PDE4D: variants seen among roughly 807,000 people sequenced by gnomAD.
The protein encoded by PDE4D is 3',5'-cyclic-AMP phosphodiesterase 4D.
PDE4D carries 24 observed loss-of-function variants against 87.4 expected under a neutral mutation model. The observed-to-expected ratio is 0.27, with a 90% confidence interval of 0.20 to 0.39. The LOEUF is 0.39. PDE4D is among the 10% of genes least tolerant of loss of function. The probability of loss-of-function intolerance (pLI) is 1.00; values close to 1 mark genes in which losing one functional copy is unlikely to be tolerated. For missense variants in PDE4D, 714 were observed against 1,041.0 expected (o/e 0.69, Z 4.32); for synonymous variants, 384 against 383.2 (o/e 1.00, Z -0.02).
chr5:60,319,492 G>T (rs1446982055), intron 1 of PDE4D, among the ~76,000 whole-genome samples: 1 of 152,214 alleles, frequency 6.6e-6, no homozygotes, highest in Non-Finnish European at 1.5e-5. Flanking sequence ...ACTCGTCAAA[G>T]TCATTCTCCA....
chr5:59,803,255 C>A (rs1006612553), intron 1 of PDE4D, among the ~76,000 whole-genome samples: 1 of 151,612 alleles, frequency 6.6e-6, no homozygotes, highest in African/African-American at 2.4e-5. Flanking sequence ...TAATTGGATC[C>A]CACCGCAGAC....
chr5:59,487,049 A>C (rs1035212133), intron 1 of PDE4D, among the ~76,000 whole-genome samples: 3 of 152,212 alleles, frequency 2.0e-5, no homozygotes, highest in Non-Finnish European at 4.4e-5. Flanking sequence ...AGATAATAGG[A>C]ATCATATGTC....
At chr5:60,104,894 A>G (rs1776694040) in intron 2 of PDE4D, among the ~76,000 whole-genome samples, 1 of 152,212 alleles carries the variant, frequency 6.6e-6, no homozygotes. Flanking sequence ...AAAAGTAGAT[A>G]AAACCACAAA....
chr5:59,105,896 G>A (rs1038039800), intron 5 of PDE4D, among the ~76,000 whole-genome samples: 5 of 152,194 alleles, frequency 3.3e-5, no homozygotes, highest in African/African-American at 1.2e-4. Flanking sequence ...ATAGGAGGGA[G>A]TGTGACCTAA....
At chr5:59,262,809 G>T (rs1762248562) in intron 1 of PDE4D, among the ~76,000 whole-genome samples, 1 of 151,900 alleles carries the variant, frequency 6.6e-6, no homozygotes. Flanking sequence ...ATGTCAGTCG[G>T]GTGATAACCA....
intron 1 of PDE4D, among the ~76,000 whole-genome samples, chr5:60,271,928 A>G (rs1198293725): frequency 6.6e-6 from 1 of 152,212 alleles, no homozygotes; most frequent in Non-Finnish European, 1.5e-5. Flanking sequence ...TTACAAAATA[A>G]GATTCAAAGA....
intron 1 of PDE4D, among the ~76,000 whole-genome samples, chr5:59,682,288 A>T (rs1451613402): frequency 1.3e-5 from 2 of 152,202 alleles, no homozygotes; most frequent in Non-Finnish European, 2.9e-5. Context: ...GTAACTTTAC[A>T]GTGGAGAAAT....
chr5:59,607,385 A>G (rs1579792370), intron 1 of PDE4D, among the ~76,000 whole-genome samples: 1 of 152,142 alleles, frequency 6.6e-6, no homozygotes, highest in East Asian at 1.9e-4. Context: ...GCGTTGAAAC[A>G]TCTGATCATT....
At chr5:59,902,720 G>A (rs1353834979) in intron 3 of PDE4D, among the ~76,000 whole-genome samples, 1 of 152,094 alleles carries the variant, frequency 6.6e-6, no homozygotes, top group Non-Finnish European at 1.5e-5. Flanking sequence ...CAGAAGAGAT[G>A]GAAACTAAGT....
At chr5:60,329,772 A>AAATATATAGT (rs1757154532) in intron 1 of PDE4D, among the ~76,000 whole-genome samples, 1 of 152,164 alleles carries the variant, frequency 6.6e-6, no homozygotes, top group Non-Finnish European at 1.5e-5. Flanking sequence ...CTCTCGGTGA[A>AAATATATAGT]AATATATAGT....
chr5:59,159,413 G>A (rs1389690692), intron 5 of PDE4D, among the ~76,000 whole-genome samples: 1 of 152,128 alleles, frequency 6.6e-6, no homozygotes, highest in Non-Finnish European at 1.5e-5. Context: ...GATTAGAGGT[G>A]TGAGCCACCA....
intron 1 of PDE4D, among the ~76,000 whole-genome samples, chr5:59,371,922 C>T (rs1487508620): frequency 6.6e-6 from 1 of 152,136 alleles, no homozygotes; most frequent in Non-Finnish European, 1.5e-5. Flanking sequence ...TGCTCATGTT[C>T]TACTGGACTC....
At chr5:59,664,420 T>C (rs1003741243) in intron 1 of PDE4D, among the ~76,000 whole-genome samples, 1 of 152,222 alleles carries the variant, frequency 6.6e-6, no homozygotes, top group Non-Finnish European at 1.5e-5. Context: ...TAAGTATAAA[T>C]CACTGAATAA....
chr5:59,766,644 C>T (rs877744), intron 1 of PDE4D, among the ~76,000 whole-genome samples: 25,882 of 152,204 alleles, frequency 0.17, 2,438 homozygotes, highest in Middle Eastern at 0.3. Context: ...ACACTGGACA[C>T]GGAAATTCTG....
At chr5:59,764,651 CTTTTT>C (rs1177876033) in intron 1 of PDE4D, among the ~76,000 whole-genome samples, 3 of 123,362 alleles carry the variant, frequency 2.4e-5, no homozygotes, top group South Asian at 5.0e-4. Context: ...AGAGAAGTCC[CTTTTT>C]TTTTTTTTTT....
At chr5:60,329,229 G>A (rs1212481240) in intron 1 of PDE4D, among the ~76,000 whole-genome samples, 1 of 152,150 alleles carries the variant, frequency 6.6e-6, no homozygotes, top group East Asian at 1.9e-4. Flanking sequence ...GACCCAGTAG[G>A]AGGTCATTGA....
chr5:59,451,530 T>A (rs1799152429), intron 1 of PDE4D, among the ~76,000 whole-genome samples: 1 of 152,206 alleles, frequency 6.6e-6, no homozygotes, highest in Admixed American at 6.5e-5. Flanking sequence ...CCTTCTCCAA[T>A]ATTCCTTCTC....
intron 5 of PDE4D, among the ~76,000 whole-genome samples, chr5:59,147,444 A>G (rs1414316805): frequency 6.6e-6 from 1 of 152,202 alleles, no homozygotes; most frequent in African/African-American, 2.4e-5. Flanking sequence ...AATTATTCCT[A>G]AGATGCATTC....
intron 3 of PDE4D, among the ~76,000 whole-genome samples, chr5:59,952,705 T>G (rs183954576): frequency 9.2e-5 from 14 of 152,310 alleles, no homozygotes; most frequent in Admixed American, 2.0e-4. Context: ...ATGCTTGCCC[T>G]TGGATATCAG....
Sources: gnomAD v4.1 joint callset for allele counts (sites outside exome capture counted in the v4.1 genomes callset) on GRCh38, gnomAD v4.1.1 for gene constraint, MANE v1.5 for transcripts, NCBI Gene and HGNC (gene_info 2026-07-23, HGNC 2026-07-21) for gene names.